Variants in GPHN observed in about 807,000 individuals in gnomAD.
GPHN encodes gephyrin.
In GPHN, 17 loss-of-function variants were observed where a neutral mutation model predicts 95.5. That is an observed-to-expected ratio of 0.18 (90% CI 0.12 to 0.27). The LOEUF is 0.27. GPHN is among the 10% of genes least tolerant of loss of function. The probability of loss-of-function intolerance (pLI) is 1.00; values close to 1 mark genes in which losing one functional copy is unlikely to be tolerated. For synonymous variants in GPHN, 320 were observed against 322.5 expected (o/e 0.99, Z 0.08); for missense variants, 660 against 978.1 (o/e 0.67, Z 4.34).
At chr14:66,800,665 A>G (rs778640232) in intron 3 of GPHN, among the ~76,000 whole-genome samples, 11 of 152,074 alleles carry the variant, frequency 7.2e-5, no homozygotes, top group South Asian at 2.1e-4. Context: ...ACCATGAGGT[A>G]TTAAATAATC....
At chr14:67,287,777 A>G in the GPHN span, among the ~76,000 whole-genome samples, 1 of 152,228 alleles carries the variant, frequency 6.6e-6, no homozygotes, top group Non-Finnish European at 1.5e-5. Flanking sequence ...CAGCATTTTA[A>G]AAGTTTGAAA....
chr14:67,606,794 G>A, the GPHN span, among the ~76,000 whole-genome samples: 19 of 151,948 alleles, frequency 1.3e-4, no homozygotes, highest in Admixed American at 6.6e-5. Context: ...CTACAGGCAC[G>A]TGCCACCATG....
chr14:66,785,289 C>T (rs900234261), intron 3 of GPHN, among the ~76,000 whole-genome samples: 3 of 152,106 alleles, frequency 2.0e-5, no homozygotes, highest in Admixed American at 6.5e-5. Flanking sequence ...TCTCTTGAAC[C>T]GGGGAGGTGG....
the GPHN span, among the ~76,000 whole-genome samples, chr14:67,351,382 C>G: frequency 1.6e-3 from 241 of 152,226 alleles, no homozygotes; most frequent in African/African-American, 5.6e-3. Flanking sequence ...TGTAAAGCAA[C>G]AAAAGAAAAT....
chr14:67,682,378 T>C, the GPHN span, among the ~76,000 whole-genome samples: 1 of 152,200 alleles, frequency 6.6e-6, no homozygotes, highest in African/African-American at 2.4e-5. Flanking sequence ...GGAACTCGCA[T>C]CTAGACTATT....
intron 13 of GPHN, among the ~76,000 whole-genome samples, chr14:67,103,511 C>CTTTTTTT: frequency 2.1e-4 from 11 of 53,398 alleles, no homozygotes; most frequent in Non-Finnish European, 2.4e-4. Flanking sequence ...GTTTCTTTCT[C>CTTTTTTT]TTTTTTTTTT....
At chr14:67,570,496 G>C in the GPHN span, 1,231 of 161,334 alleles carry the variant, frequency 7.6e-3, 24 homozygotes, top group African/African-American at 0.028. Flanking sequence ...AAAACCAAAA[G>C]TGAAATTTCC....
chr14:67,557,486 T>C, the GPHN span: 22 of 1,490,856 alleles, frequency 1.5e-5, no homozygotes, highest in Admixed American at 3.4e-4. Context: ...CCCAGCTTCC[T>C]GAGCTGTTCC....
chr14:66,797,706 GT>G (rs1200251122), intron 3 of GPHN, among the ~76,000 whole-genome samples: 1 of 151,838 alleles, frequency 6.6e-6, no homozygotes, highest in Non-Finnish European at 1.5e-5. Context: ...GAATTTATCA[GT>G]TCTAATAGTT....
chr14:66,787,373 A>G (rs576530286), intron 3 of GPHN, among the ~76,000 whole-genome samples: 1 of 152,326 alleles, frequency 6.6e-6, no homozygotes, highest in South Asian at 2.1e-4. Context: ...TCTGTGTTCA[A>G]ATATTGAAAA....
At position 66,776,508 on chromosome 14, in the gene GPHN, T is replaced by C. The variant is rs1432346978; in HGVS notation, c.188T>C (p.Ile63Thr). The C allele has an allele frequency of 8.3e-6, 13 of 1,574,054 alleles. 1 individual carries two copies. Among genetic ancestry groups the C allele is most frequent in the African/African-American group, 4.1e-5 (3 of 73,614 alleles). The part of the protein sequence containing the change: ...ISAYKIVPDE[I>T]EEIKETLIDW... ...GCATACAAGATAGTACCAGATGAAA[T>C]AGAAGAAATCAAGGTATAGTATGGC... Residue 63 changes from isoleucine to threonine, a missense_variant, in exon 3 of 23, where the codon ATA becomes ACA. Ile to Thr is a moderately conservative substitution (Grantham distance 89). Transcript: ENST00000478722.
rs770441465 is a variant in GPHN at position 67,110,146 on chromosome 14, C to G, written c.1300C>G (p.Gln434Glu). The G allele has an allele frequency of 2.5e-6, 4 of 1,613,268 alleles. No individual in the cohort carries two copies. The highest frequency in any genetic ancestry group is 4.5e-5 in the East Asian group (2 of 44,876). ...GESQAGEQPTQTVMPGQVMRV... is the reference protein window; with the variant it reads ...GESQAGEQPTETVMPGQVMRV... ...TTTTCATCTTTATTTCCAGCCAACTCAGACAGTAATGCCAGGACAAGTCAT... is the reference window on the plus strand; with the variant it reads ...TTTTCATCTTTATTTCCAGCCAACTGAGACAGTAATGCCAGGACAAGTCAT... Residue 434 changes from glutamine (Q) to glutamate (E), a missense_variant, in exon 14 of 23, where the codon CAG becomes GAG. Transcript: ENST00000478722.
chr14:66,980,659 T>C (rs2070596261), intron 9 of GPHN, among the ~76,000 whole-genome samples: 1 of 152,138 alleles, frequency 6.6e-6, no homozygotes, highest in Non-Finnish European at 1.5e-5. Flanking sequence ...GAATTAAAAC[T>C]ATATAGAACT....
the GPHN span, among the ~76,000 whole-genome samples, chr14:67,460,202 A>G: frequency 1.6e-4 from 25 of 152,164 alleles, no homozygotes; most frequent in Admixed American, 1.6e-3. Context: ...AGGGATGGTT[A>G]TAACAGGGTC....
intron 10 of GPHN, among the ~76,000 whole-genome samples, chr14:67,055,243 A>C (rs2075503978): frequency 6.6e-6 from 1 of 152,248 alleles, no homozygotes; most frequent in Non-Finnish European, 1.5e-5. Flanking sequence ...AACCCCATTT[A>C]AAAGTGGGCA....
the GPHN span, among the ~76,000 whole-genome samples, chr14:67,362,790 T>C: frequency 1.3e-5 from 2 of 152,250 alleles, no homozygotes. Context: ...TTAGGCAATA[T>C]GTTCAAAAAT....
At chr14:66,589,182 C>T (rs1413328400) in intron 1 of GPHN, among the ~76,000 whole-genome samples, 1 of 152,142 alleles carries the variant, frequency 6.6e-6, no homozygotes, top group East Asian at 1.9e-4. Context: ...CAAGCAAATG[C>T]TGAGAGATTT....
chr14:66,699,066 C>G (rs558642703), intron 2 of GPHN, among the ~76,000 whole-genome samples: 35 of 152,276 alleles, frequency 2.3e-4, no homozygotes, highest in African/African-American at 7.7e-4. Flanking sequence ...GAGTACTGAG[C>G]TATGATTTAA....
intron 2 of GPHN, among the ~76,000 whole-genome samples, chr14:66,703,947 C>A (rs1197505580): frequency 1.5e-5 from 2 of 133,230 alleles, no homozygotes; most frequent in African/African-American, 2.8e-5. Context: ...GAAAATACAC[C>A]AAGCAAATGG....
Sources: gnomAD v4.1 joint callset for allele counts (sites outside exome capture counted in the v4.1 genomes callset) on GRCh38, gnomAD v4.1.1 for gene constraint, MANE v1.5 for transcripts, NCBI Gene and HGNC (gene_info 2026-07-23, HGNC 2026-07-21) for gene names.